Variants in CABLES1 observed in about 807,000 individuals in gnomAD.
CABLES1 encodes Cdk5 and Abl enzyme substrate 1.
In CABLES1, 36 loss-of-function variants were observed where a neutral mutation model predicts 57.8. That is an observed-to-expected ratio of 0.62 (90% CI 0.48 to 0.82). The LOEUF is 0.82. Ranked by LOEUF, CABLES1 falls within the 40% of genes least tolerant of loss-of-function variation. CABLES1 has a pLI of 0.00. For missense variants in CABLES1, 767 were observed against 836.6 expected (o/e 0.92, Z 1.03); for synonymous variants, 374 against 363.0 (o/e 1.03, Z -0.35).
intron 1 of CABLES1, among the ~76,000 whole-genome samples, chr18:23,137,900 G>A (rs1415842188): frequency 6.6e-6 from 1 of 152,204 alleles, no homozygotes; most frequent in Non-Finnish European, 1.5e-5. Flanking sequence ...CTGGGCACAG[G>A]TGACAGCCCT....
Position 23,190,982 on chromosome 18 carries a change from A to T in CABLES1, c.917+2073A>T, listed in dbSNP as rs188795458. Among the ~76,000 whole-genome samples the T allele has an allele frequency of 2.2e-3, 335 of 150,492 alleles. 1 individual carries two copies. The highest frequency in any genetic ancestry group is 8.1e-4 in the Non-Finnish European group (55 of 67,850). On this transcript the variant is annotated intron_variant, in intron 2 of 9. Coordinates refer to ENST00000256925, the MANE Select transcript of CABLES1 (RefSeq NM_001100619.3). ...ATATTGGCTGGGCACGGTGGCTCACACCTGTAACCCCAGCACTTTGAGAGG... is the reference window on the plus strand; with the variant it reads ...ATATTGGCTGGGCACGGTGGCTCACTCCTGTAACCCCAGCACTTTGAGAGG...
chr18:23,230,318 G>C (rs1298748483), intron 4 of CABLES1, among the ~76,000 whole-genome samples: 1 of 152,228 alleles, frequency 6.6e-6, no homozygotes, highest in Non-Finnish European at 1.5e-5. Flanking sequence ...CTTGCAGTGA[G>C]CTGAGATCGC....
At chr18:23,205,494 G>A (rs756047574) in intron 3 of CABLES1, among the ~76,000 whole-genome samples, 36 of 152,004 alleles carry the variant, frequency 2.4e-4, no homozygotes, top group Admixed American at 1.7e-3. Flanking sequence ...ATACCTGGCC[G>A]GACATTCTCA....
intron 1 of CABLES1, among the ~76,000 whole-genome samples, chr18:23,187,803 C>T (rs1395767162): frequency 6.6e-6 from 1 of 151,934 alleles, no homozygotes; most frequent in Non-Finnish European, 1.5e-5. Flanking sequence ...TTAGAAAAGC[C>T]AAACAAGCCA....
In CABLES1 at chr18:23,136,392, G is replaced by C; in HGVS notation, c.630G>C (p.Glu210Asp). Residue 210 changes from glutamate (E) to aspartate (D), a missense_variant, in exon 1 of 10, where the codon GAG (glutamate) becomes GAC (aspartate). By Grantham distance (45) the Glu-to-Asp change is conservative (BLOSUM62 2). Around this residue, in one of 4 missense-constraint regions of CABLES1, gnomAD observed 529 missense variants for 622.8 expected, o/e 0.85. Coordinates refer to ENST00000256925, the MANE Select transcript of CABLES1 (RefSeq NM_001100619.3). ...CCGCCGGGCAGGAGGAGTTGGAGGA[G>C]GACGATGCCTTTATCAGCGTGCAGG... is the stretch of plus-strand genomic sequence containing the variant. ...SGAAGQEELE[E>D]DDAFISVQVP... 6.3e-7 allele frequency: 1 copy of C among 1,580,988 alleles called. No individual in the cohort carries two copies. Among genetic ancestry groups the C allele is most frequent in the Non-Finnish European group, 8.6e-7 (1 of 1,165,548 alleles).
At chr18:23,186,233 T>C (rs2047201619) in intron 1 of CABLES1, among the ~76,000 whole-genome samples, 1 of 152,148 alleles carries the variant, frequency 6.6e-6, no homozygotes, top group Admixed American at 6.5e-5. Context: ...TGAGCTGGGG[T>C]GCAGGTCAGG....
chr18:23,169,795 G>C (rs1018944894), intron 1 of CABLES1, among the ~76,000 whole-genome samples: 1 of 152,214 alleles, frequency 6.6e-6, no homozygotes, highest in Non-Finnish European at 1.5e-5. Context: ...AAGGCTGTGG[G>C]ATAGGTGCCC....
intron 7 of CABLES1, among the ~76,000 whole-genome samples, chr18:23,247,716 T>TC (rs2047932328): frequency 6.6e-6 from 1 of 152,160 alleles, no homozygotes; most frequent in Admixed American, 6.5e-5. Flanking sequence ...CCTGTGTTCT[T>TC]CCCCACTGAG....
rs1369120435 is a variant in CABLES1, at chr18:23,235,919, T to C, written c.1210T>C (p.Leu404=). 1 of 1,614,206 alleles carries C rather than the reference T, an allele frequency of 6.2e-7. No individual in the cohort carries two copies. The highest frequency in any genetic ancestry group is 1.7e-5 in the Admixed American group (1 of 60,030). ...GKTVSYTQFL[L]PTNAFGARRN... is the part of the protein sequence containing the mutation. ...GACTGTTTCCTATACCCAATTTCTGTTACCCACAAATGCCTTTGGAGCCCG... is the reference window on the plus strand; with the variant it reads ...GACTGTTTCCTATACCCAATTTCTGCTACCCACAAATGCCTTTGGAGCCCG... Residue 404 remains leucine, a synonymous_variant, in exon 6 of 10, where the codon TTA becomes CTA. Transcript: ENST00000256925.
chr18:23,244,794 T>G (rs1313595293), intron 7 of CABLES1, among the ~76,000 whole-genome samples: 1 of 152,198 alleles, frequency 6.6e-6, no homozygotes, highest in African/African-American at 2.4e-5. Flanking sequence ...CCCCAGGTCT[T>G]ACAGCTAGCT....
intron 1 of CABLES1, among the ~76,000 whole-genome samples, chr18:23,142,699 G>C (rs1220886117): frequency 6.6e-6 from 1 of 152,168 alleles, no homozygotes; most frequent in Admixed American, 6.5e-5. Flanking sequence ...GGAGATGGAG[G>C]CATAAAACAT....
At chr18:23,153,193 T>C (rs189599989) in intron 1 of CABLES1, among the ~76,000 whole-genome samples, 3 of 152,092 alleles carry the variant, frequency 2.0e-5, no homozygotes, top group Admixed American at 1.3e-4. Context: ...CCTCCTGGAC[T>C]CAAGCAATCC....
At chr18:23,212,303 G>A (rs1000151791) in intron 3 of CABLES1, among the ~76,000 whole-genome samples, 1 of 152,226 alleles carries the variant, frequency 6.6e-6, no homozygotes, top group Non-Finnish European at 1.5e-5. Flanking sequence ...CCAAGTATGG[G>A]CTCATGTACT....
chr18:23,189,143 CT>C (rs2047223735), intron 2 of CABLES1: 1 of 463,682 alleles, frequency 2.2e-6, no homozygotes, highest in Admixed American at 3.9e-5. Context: ...GATTTGGGTG[CT>C]TTTCTTTCCG....
At chr18:23,187,811 C>T (rs1387698048) in intron 1 of CABLES1, among the ~76,000 whole-genome samples, 1 of 151,922 alleles carries the variant, frequency 6.6e-6, no homozygotes. Context: ...GCCAAACAAG[C>T]CAAAGGTATC....
intron 1 of CABLES1, among the ~76,000 whole-genome samples, chr18:23,169,889 C>T (rs1045644692): frequency 3.9e-5 from 6 of 152,102 alleles, no homozygotes; most frequent in South Asian, 4.2e-4. Flanking sequence ...TCGTGTTTCC[C>T]GTAATTGGAG....
chr18:23,174,393 C>A (rs2047105424), intron 1 of CABLES1, among the ~76,000 whole-genome samples: 1 of 151,960 alleles, frequency 6.6e-6, no homozygotes, highest in African/African-American at 2.4e-5. Context: ...TTGTATATGT[C>A]TTTGTGTGGA....
intron 1 of CABLES1, among the ~76,000 whole-genome samples, chr18:23,143,895 TGG>T (rs2046874403): frequency 6.6e-6 from 1 of 152,208 alleles, no homozygotes; most frequent in Admixed American, 6.5e-5. Context: ...CTTAAATTCC[TGG>T]TATTTCAGGC....
chr18:23,253,579 G>T (rs536665169), intron 8 of CABLES1, 150 bp from the exon 9 acceptor site: 1 of 655,630 alleles, frequency 1.5e-6, no homozygotes, highest in Non-Finnish European at 2.6e-6. Context: ...CATGCATAAC[G>T]CAGCCTTCAC....
Sources: allele counts gnomAD v4.1 joint callset (sites outside exome capture counted in the v4.1 genomes callset), GRCh38; gene constraint gnomAD v4.1.1; regional missense constraint gnomAD v4.1.1; transcripts MANE v1.5; gene names NCBI Gene and HGNC (gene_info 2026-07-23, HGNC 2026-07-21).